The following NPAS3 variants were observed in gnomAD, a reference collection of about 807,000 sequenced individuals.
The protein encoded by NPAS3 is neuronal PAS domain-containing protein 3.
In NPAS3, 14 loss-of-function variants were observed where a neutral mutation model predicts 73.1. That is an observed-to-expected ratio of 0.19 (90% CI 0.13 to 0.30). The LOEUF (loss-of-function observed/expected upper bound fraction) is 0.30. Among genes scored for constraint, NPAS3 ranks in the 10% least tolerant of loss-of-function variants. The pLI is 1.00. For synonymous variants in NPAS3, 620 were observed against 541.5 expected (o/e 1.14, Z -2.01); for missense variants, 1,096 against 1,250.0 (o/e 0.88, Z 1.86).
exon 3 of NPAS3, chr14:33,215,386 C>G (rs2139676916): frequency 6.2e-7 from 1 of 1,613,936 alleles, no homozygotes; most frequent in Non-Finnish European, 8.5e-7. Context: ...CTCCGTGGAA[C>G]TTGCGAATGG....
intron 5 of NPAS3, among the ~76,000 whole-genome samples, chr14:33,622,387 A>G (rs1010615608): frequency 6.6e-6 from 1 of 152,210 alleles, no homozygotes; most frequent in African/African-American, 2.4e-5. Context: ...CTGTGCCAAC[A>G]TGATGAAGTT....
chr14:33,401,163 A>G (rs1224442487), intron 4 of NPAS3, among the ~76,000 whole-genome samples: 1 of 152,118 alleles, frequency 6.6e-6, no homozygotes, highest in Non-Finnish European at 1.5e-5. Context: ...CCTGTGCTGT[A>G]CCTTGCAATA....
intron 1 of NPAS3, among the ~76,000 whole-genome samples, chr14:33,045,925 G>A (rs1277294099): frequency 2.6e-5 from 4 of 152,132 alleles, no homozygotes; most frequent in Non-Finnish European, 4.4e-5. Flanking sequence ...GGACCATATG[G>A]AGACCAACAC....
intron 1 of NPAS3, among the ~76,000 whole-genome samples, chr14:33,004,927 T>A (rs1033140045): frequency 6.6e-6 from 1 of 150,688 alleles, no homozygotes; most frequent in East Asian, 2.0e-4. Context: ...ACCACTGTCT[T>A]CCACCTTCAC....
chr14:33,590,995 G>A (rs2057043868), intron 5 of NPAS3, among the ~76,000 whole-genome samples: 1 of 152,150 alleles, frequency 6.6e-6, no homozygotes, highest in African/African-American at 2.4e-5. Flanking sequence ...TGTTAGGAAG[G>A]AAAAACTTGG....
chr14:33,115,658 T>A (rs1323943803), intron 2 of NPAS3, among the ~76,000 whole-genome samples: 1 of 152,158 alleles, frequency 6.6e-6, no homozygotes, highest in Admixed American at 6.6e-5. Flanking sequence ...TACCTAAATA[T>A]AAAAATAACT....
intron 1 of NPAS3, among the ~76,000 whole-genome samples, chr14:32,986,969 T>C (rs2038124662): frequency 6.6e-6 from 1 of 152,236 alleles, no homozygotes; most frequent in Admixed American, 6.5e-5. Flanking sequence ...TTATGAATGC[T>C]GCACTGTTTT....
intron 2 of NPAS3, among the ~76,000 whole-genome samples, chr14:33,066,557 T>A (rs1396636556): frequency 1.3e-5 from 2 of 152,014 alleles, no homozygotes; most frequent in Non-Finnish European, 2.9e-5. Flanking sequence ...TTTACAAGAG[T>A]CTGGTGGCAA....
chr14:33,584,961 G>A (rs1280202547), intron 5 of NPAS3, among the ~76,000 whole-genome samples: 1 of 152,166 alleles, frequency 6.6e-6, no homozygotes, highest in Non-Finnish European at 1.5e-5. Flanking sequence ...ATGAATGGGG[G>A]AATGTGAAGT....
At chr14:33,425,399 A>G (rs1008267076) in intron 4 of NPAS3, among the ~76,000 whole-genome samples, 1 of 152,042 alleles carries the variant, frequency 6.6e-6, no homozygotes, top group Non-Finnish European at 1.5e-5. Flanking sequence ...ATTGCAAGTA[A>G]TGGAATACCT....
chr14:33,679,276 G>A (rs544840618), intron 6 of NPAS3, among the ~76,000 whole-genome samples: 31 of 152,150 alleles, frequency 2.0e-4, no homozygotes, highest in Non-Finnish European at 3.2e-4. Flanking sequence ...TCTATCTGGG[G>A]CTTAAAAGAG....
intron 4 of NPAS3, among the ~76,000 whole-genome samples, chr14:33,460,370 A>G (rs766215370): frequency 6.6e-6 from 1 of 152,148 alleles, no homozygotes; most frequent in Non-Finnish European, 1.5e-5. Flanking sequence ...GGCTACCAAC[A>G]TTAAAAGAAG....
chr14:33,660,304 C>T (rs1040402025), intron 5 of NPAS3, among the ~76,000 whole-genome samples: 4 of 152,162 alleles, frequency 2.6e-5, no homozygotes, highest in African/African-American at 4.8e-5. Context: ...AAGCCATCTC[C>T]ATCAGTTCCT....
At chr14:33,033,445 C>G (rs2040063521) in intron 1 of NPAS3, among the ~76,000 whole-genome samples, 1 of 152,208 alleles carries the variant, frequency 6.6e-6, no homozygotes, top group East Asian at 1.9e-4. Context: ...CGCCACTGCA[C>G]TCCAGCCTGG....
intron 2 of NPAS3, among the ~76,000 whole-genome samples, chr14:33,146,124 G>A (rs919983443): frequency 1.3e-5 from 2 of 151,966 alleles, no homozygotes; most frequent in African/African-American, 4.8e-5. Context: ...AAATAATAAG[G>A]GAAGATGGGA....
chr14:33,282,937 T>C (rs1300743757), intron 3 of NPAS3, among the ~76,000 whole-genome samples: 3 of 152,220 alleles, frequency 2.0e-5, no homozygotes, highest in Non-Finnish European at 4.4e-5. Flanking sequence ...AGCCTAACCC[T>C]GTTCCTTTGA....
chr14:33,000,149 T>C (rs917785685), intron 1 of NPAS3, among the ~76,000 whole-genome samples: 4 of 151,748 alleles, frequency 2.6e-5, no homozygotes, highest in Non-Finnish European at 4.4e-5. Flanking sequence ...GTCAACAGCC[T>C]CTTAAATAAA....
intron 1 of NPAS3, among the ~76,000 whole-genome samples, chr14:32,990,569 T>C (rs2038290335): frequency 6.6e-6 from 1 of 152,012 alleles, no homozygotes; most frequent in African/African-American, 2.4e-5. Context: ...ATCCAGTAGG[T>C]AGAGGAATAA....
In NPAS3 at chr14:33,328,526, G is replaced by A. The variant is rs190124606; in HGVS notation, c.386-38660G>A. Among the ~76,000 whole-genome samples the A allele has an allele frequency of 9.0e-3, 1,109 of 123,052 alleles. 8 individuals carry two copies. Among genetic ancestry groups the A allele is most frequent in the African/African-American group, 0.022 (705 of 31,820 alleles). 80.7% of individuals were successfully genotyped at this position (123,052 alleles called of 152,430 possible). A position where few individuals can be genotyped will look rare whatever the true frequency, so the allele number is the denominator to read the frequency against. On this transcript the variant is annotated intron_variant, in intron 3 of 11. Transcript: ENST00000356141. ...CTGTCACCCAGGCTGGAGTGCAGTG[G>A]CGCGATCTTGGCTCACTGCAACCTC...
Sources: gnomAD v4.1 joint callset for allele counts (sites outside exome capture counted in the v4.1 genomes callset) on GRCh38, gnomAD v4.1.1 for gene constraint, MANE v1.5 for transcripts, NCBI Gene and HGNC (gene_info 2026-07-23, HGNC 2026-07-21) for gene names.